VAV2: variants seen among roughly 807,000 people sequenced by gnomAD.
VAV2 encodes the protein guanine nucleotide exchange factor VAV2.
Under a neutral mutation model 132.5 loss-of-function variants are expected in VAV2, and 67 were observed. The ratio of observed to expected loss-of-function variants is 0.51; its 90% CI spans 0.42 to 0.62. The LOEUF (loss-of-function observed/expected upper bound fraction) is 0.62. Ranked by LOEUF, VAV2 falls within the 20% of genes least tolerant of loss-of-function variation. VAV2 has a pLI of 0.00. For missense variants in VAV2, 938 were observed against 1,153.6 expected (o/e 0.81, Z 2.71); for synonymous variants, 492 against 443.5 (o/e 1.11, Z -1.37).
At position 133,969,829 on chromosome 9, in the gene VAV2, C is replaced by T. The variant is rs774262092; in HGVS notation, c.204+22246G>A. 9.9e-5 allele frequency among the ~76,000 whole-genome samples: 15 copies of T among 152,124 alleles called. No homozygotes were observed. The highest frequency in any genetic ancestry group is 2.1e-4 in the Non-Finnish European group (14 of 67,990). On this transcript the variant is annotated intron_variant, in intron 1 of 29. Coordinates refer to ENST00000371850, the MANE Select transcript of VAV2 (RefSeq NM_001134398.2). This position sits in a 1 kb window ranked among gnomAD's most constrained non-coding sequence, Gnocchi z 5.1. ...TCTGCCTCTGCCCCAGCCTCTGGGG[C>T]TCCAGGCCTCCCTCTCCAGGTGTCC...
chr9:133,778,013 G>A (rs1397544247), intron 22 of VAV2, among the ~76,000 whole-genome samples: 2 of 152,172 alleles, frequency 1.3e-5, no homozygotes, highest in East Asian at 3.9e-4. Flanking sequence ...GCTCCCTTGA[G>A]CACTGGGGCT....
At position 133,809,148 on chromosome 9, in the gene VAV2, G is replaced by A. The variant is rs1416104477; in HGVS notation, c.568-10C>T. 1.6e-5 allele frequency: 26 copies of A among 1,613,154 alleles called. No homozygotes were observed. Among genetic ancestry groups the A allele is most frequent in the Non-Finnish European group, 2.0e-5 (24 of 1,179,536 alleles). On this transcript the variant is annotated splice_polypyrimidine_tract_variant and intron_variant, in intron 6 of 29. Transcript: ENST00000371850. Reference sequence around the variant, plus strand: ...CAGTCATGCCCATTTTCTAGAGGAGGGAAGGGGGAGTCAGCAGGACCCCAT... The same window carrying A: ...CAGTCATGCCCATTTTCTAGAGGAGAGAAGGGGGAGTCAGCAGGACCCCAT...
At position 133,775,007 on chromosome 9, in the gene VAV2, T is replaced by C; in HGVS notation, c.2063A>G (p.Lys688Arg). Residue 688 changes from lysine to arginine, a missense_variant, in exon 25 of 30, where the codon AAG (lysine) becomes AGG (arginine). Lys to Arg is a conservative substitution (Grantham distance 26). Coordinates refer to ENST00000371850, the MANE Select transcript of VAV2 (RefSeq NM_001134398.2). ...CAGGTAGGTCCCGCTGGCGTGGGAC[T>C]TGAGCAGGTTGTCCGTCTGCTGCCT... ...MERQQTDNLL[K>R]SHASGTYLIR... 6.2e-7 allele frequency: 1 copy of C among 1,613,442 alleles called. No individual in the cohort carries two copies. Among genetic ancestry groups the C allele is most frequent in the South Asian group, 1.1e-5 (1 of 91,040 alleles).
intron 9 of VAV2, 94 bp from the exon 10 acceptor site, chr9:133,797,903 G>A (rs191395897): frequency 4.6e-5 from 54 of 1,170,346 alleles, no homozygotes; most frequent in Admixed American, 3.8e-4. Context: ...CAGGCTGTAG[G>A]TGCGCAACCA....
intron 2 of VAV2, among the ~76,000 whole-genome samples, chr9:133,906,663 C>G (rs1839665735): frequency 6.6e-6 from 1 of 152,228 alleles, no homozygotes; most frequent in African/African-American, 2.4e-5. Flanking sequence ...GCACACAAAA[C>G]TGGAATCCAC....
chr9:133,859,233 G>A (rs1040747510), intron 3 of VAV2, among the ~76,000 whole-genome samples: 1 of 152,246 alleles, frequency 6.6e-6, no homozygotes, highest in Non-Finnish European at 1.5e-5. Context: ...AGCCACCAAT[G>A]GGCTCCCGTT....
intron 3 of VAV2, among the ~76,000 whole-genome samples, chr9:133,847,553 G>A (rs752480012): frequency 9.9e-5 from 15 of 152,262 alleles, no homozygotes; most frequent in African/African-American, 2.2e-4. Context: ...GGAAGAGCCC[G>A]GACACCCTGG....
At chr9:133,964,389 AAT>A (rs1233388253) in intron 1 of VAV2, among the ~76,000 whole-genome samples, 2 of 152,050 alleles carry the variant, frequency 1.3e-5, no homozygotes, top group Non-Finnish European at 2.9e-5. Context: ...TATACACACA[AAT>A]ATATGTATTT....
At chr9:133,915,657 G>A (rs996594096) in intron 2 of VAV2, among the ~76,000 whole-genome samples, 7 of 148,952 alleles carry the variant, frequency 4.7e-5, no homozygotes, top group Admixed American at 6.7e-5. Flanking sequence ...ACATGTACAC[G>A]ACGCACACAT....
Position 133,919,759 on chromosome 9 carries a change from G to A in VAV2, c.321+19344C>T, listed in dbSNP as rs10125207. 0.038 allele frequency among the ~76,000 whole-genome samples: 5,822 copies of A among 152,190 alleles called. 318 individuals carry two copies. The highest frequency in any genetic ancestry group is 0.12 in the African/African-American group (4,802 of 41,500). ...GTCTCAGGGGAGCAACACAAACAGC[G>A]CATTCTTGGCATCCGTGAGGCAGAG... On this transcript the variant is annotated intron_variant, in intron 2 of 29. Coordinates refer to ENST00000371850, the MANE Select transcript of VAV2 (RefSeq NM_001134398.2). The surrounding 1 kb of genome is among the most constrained non-coding windows in gnomAD (Gnocchi z 5.8).
chr9:133,781,211 C>T (rs1833997048), intron 19 of VAV2, among the ~76,000 whole-genome samples: 2 of 152,346 alleles, frequency 1.3e-5, no homozygotes, highest in South Asian at 4.1e-4. Context: ...GCTTGCCATC[C>T]TCAGCTCAGA....
intron 10 of VAV2, 110 bp downstream of exon 10, chr9:133,797,600 T>A: frequency 1.0e-6 from 1 of 962,116 alleles, no homozygotes; most frequent in South Asian, 1.7e-5. Flanking sequence ...ATCACCCCCA[T>A]CACCACCTTC....
At position 133,785,894 on chromosome 9, in the gene VAV2, G is replaced by A. The variant is rs1321892626; in HGVS notation, c.1423-9C>T. ...TAGAAGCCGTAGGACCACTGCAGGGGGGAGAGGGGCCATGCTTGCAATAGA... is the reference window on the plus strand; with the variant it reads ...TAGAAGCCGTAGGACCACTGCAGGGAGGAGAGGGGCCATGCTTGCAATAGA... On this transcript the variant is annotated splice_polypyrimidine_tract_variant and intron_variant, in intron 16 of 29. Transcript: ENST00000371850. The A allele has an allele frequency of 6.2e-7, 1 of 1,611,576 alleles. No individual in the cohort carries two copies. Among genetic ancestry groups the A allele is most frequent in the Non-Finnish European group, 8.5e-7 (1 of 1,178,494 alleles).
rs1001694654 is a variant in VAV2 at position 133,961,923 on chromosome 9, C to T, written c.205-22704G>A. On this transcript the variant is annotated intron_variant, in intron 1 of 29. Transcript: ENST00000371850. This position sits in a 1 kb window ranked among gnomAD's most constrained non-coding sequence, Gnocchi z 4.1. ...GCCCCCACCCTGACTCCTCACCCCA[C>T]GGTGGCCCCTGCCAGAACCCAGCAT... Among the ~76,000 whole-genome samples, 3 of 152,168 alleles carry T rather than the reference C, an allele frequency of 2.0e-5. No homozygotes were observed. Among genetic ancestry groups the T allele is most frequent in the South Asian group, 2.1e-4 (1 of 4,828 alleles).
At position 133,834,478 on chromosome 9, in the gene VAV2, CAG is replaced by C; in HGVS notation, c.381-140_381-139del. 1 of 865,196 alleles carries C rather than the reference CAG, an allele frequency of 1.2e-6. No homozygotes were observed. The highest frequency in any genetic ancestry group is 1.6e-5 in the South Asian group (1 of 61,162). The allele number at this position is 865,196 out of a possible 1,614,324, so 53.6% of individuals were successfully genotyped here. ...CTCTTGTCCACTCTCTGGAAGGACA[CAG>C]GGTGCGCGGACACTGATCGGAGTCA... On this transcript the variant is annotated intron_variant, in intron 3 of 29. Coordinates refer to ENST00000371850, the MANE Select transcript of VAV2 (RefSeq NM_001134398.2). The surrounding 1 kb of genome is among the most constrained non-coding windows in gnomAD (Gnocchi z 5.9).
chr9:133,919,773 C>T lies in VAV2; in HGVS notation c.321+19330G>A, dbSNP rs1429337912. Among the ~76,000 whole-genome samples the T allele has an allele frequency of 6.6e-6, 1 of 152,190 alleles. No homozygotes were observed. Among genetic ancestry groups the T allele is most frequent in the African/African-American group, 2.4e-5 (1 of 41,442 alleles). On this transcript the variant is annotated intron_variant, in intron 2 of 29. Transcript: ENST00000371850. This position sits in a 1 kb window ranked among gnomAD's most constrained non-coding sequence, Gnocchi z 5.8. ...ACACAAACAGCGCATTCTTGGCATCCGTGAGGCAGAGACATGGAAGATGGA... is the reference window on the plus strand; with the variant it reads ...ACACAAACAGCGCATTCTTGGCATCTGTGAGGCAGAGACATGGAAGATGGA...
chr9:133,789,970 C>G (rs887229677), intron 13 of VAV2, among the ~76,000 whole-genome samples: 5 of 152,184 alleles, frequency 3.3e-5, no homozygotes, highest in Non-Finnish European at 5.9e-5. Context: ...GGGAGGTGCT[C>G]GAGGCACAGG....
intron 2 of VAV2, among the ~76,000 whole-genome samples, chr9:133,872,384 G>A (rs1281927903): frequency 6.6e-6 from 1 of 152,220 alleles, no homozygotes; most frequent in East Asian, 1.9e-4. Flanking sequence ...CTCTGCCATG[G>A]TGTGGCCAGG....
intron 1 of VAV2, among the ~76,000 whole-genome samples, chr9:133,971,316 CGGCAGCCCAGG>C (rs1337404226): frequency 6.6e-6 from 1 of 152,132 alleles, no homozygotes; most frequent in Non-Finnish European, 1.5e-5. Context: ...TGGGTCGCCA[CGGCAGCCCAGG>C]GGCAGCCGCA....
Sources: gnomAD v4.1 joint callset for allele counts (sites outside exome capture counted in the v4.1 genomes callset) on GRCh38, gnomAD v4.1.1 for gene constraint, Gnocchi (gnomAD v3.1) non-coding constraint, MANE v1.5 for transcripts, NCBI Gene and HGNC (gene_info 2026-07-23, HGNC 2026-07-21) for gene names.